The following PHF24 variants were observed in gnomAD, a reference collection of about 807,000 sequenced individuals.
The protein encoded by PHF24 is Galpha inhibitory interacting protein.
Under a neutral mutation model 42.6 loss-of-function variants are expected in PHF24, and 25 were observed. That is an observed-to-expected ratio of 0.59 (90% CI 0.43 to 0.82). The LOEUF (loss-of-function observed/expected upper bound fraction) is 0.82, where lower values mean the gene tolerates loss of function less well. Ranked by LOEUF, PHF24 falls within the 40% of genes least tolerant of loss-of-function variation. The pLI, the probability that PHF24 is intolerant of heterozygous loss-of-function variation, is 0.00. For missense variants in PHF24, 470 were observed against 538.1 expected, an observed-to-expected ratio of 0.87 and a Z score of 1.25; for synonymous variants, 185 against 204.8, an observed-to-expected ratio of 0.90 and a Z score of 0.83.
upstream of PHF24, chr9:34,957,465 T>C (rs1446423684): frequency 6.6e-6 from 1 of 152,182 alleles, no homozygotes; most frequent in Non-Finnish European, 1.5e-5. Flanking sequence ...TGTAGTTTGG[T>C]GTAATGCACA....
At chr9:34,841,775 T>C in the PHF24 span, among the ~76,000 whole-genome samples, 10 of 152,308 alleles carry the variant, frequency 6.6e-5, no homozygotes, top group Admixed American at 4.6e-4. Flanking sequence ...GGAAAATCGC[T>C]TGAACCAGTT....
the PHF24 span, among the ~76,000 whole-genome samples, chr9:34,932,658 G>T: frequency 6.6e-6 from 1 of 151,950 alleles, no homozygotes; most frequent in East Asian, 1.9e-4. Context: ...CCAAATTTCA[G>T]TATGGTGTTA....
the PHF24 span, among the ~76,000 whole-genome samples, chr9:34,868,979 C>T: frequency 1.3e-5 from 2 of 152,200 alleles, no homozygotes; most frequent in African/African-American, 2.4e-5. Context: ...CGTTCAGCTC[C>T]CACTTATAAG....
chr9:34,704,977 G>A, the PHF24 span, among the ~76,000 whole-genome samples: 1 of 152,098 alleles, frequency 6.6e-6, no homozygotes. Flanking sequence ...ATAAAGAAAA[G>A]TCAGGATTCC....
the PHF24 span, among the ~76,000 whole-genome samples, chr9:34,853,681 A>T: frequency 1.3e-5 from 2 of 151,922 alleles, no homozygotes; most frequent in African/African-American, 4.8e-5. Context: ...ACAAAAAATT[A>T]GCCGGGCGTA....
the PHF24 span, among the ~76,000 whole-genome samples, chr9:34,678,552 C>T: frequency 1.3e-5 from 2 of 152,026 alleles, no homozygotes; most frequent in Non-Finnish European, 2.9e-5. Context: ...CCAGGCTGGT[C>T]TTGAACTTCT....
At chr9:34,949,060 CA>C in the PHF24 span, among the ~76,000 whole-genome samples, 1 of 152,006 alleles carries the variant, frequency 6.6e-6, no homozygotes, top group Non-Finnish European at 1.5e-5. Context: ...AAGTCAAATC[CA>C]CAAGTATACT....
chr9:34,922,758 C>T, the PHF24 span: 31 of 1,591,286 alleles, frequency 1.9e-5, no homozygotes, highest in East Asian at 4.5e-5. Context: ...AGATGACCTA[C>T]GGGCTCCTAC....
chr9:34,757,351 C>T, the PHF24 span, among the ~76,000 whole-genome samples: 1 of 151,364 alleles, frequency 6.6e-6, no homozygotes, highest in East Asian at 1.9e-4. Flanking sequence ...TATAGAAATG[C>T]TACTGATTTT....
At chr9:34,728,501 T>C in the PHF24 span, 5 of 1,044,986 alleles carry the variant, frequency 4.8e-6, no homozygotes, top group Non-Finnish European at 7.1e-6. Context: ...GGAACTGGAG[T>C]CTTCAGTGGC....
chr9:34,792,812 C>G, the PHF24 span, among the ~76,000 whole-genome samples: 1 of 152,148 alleles, frequency 6.6e-6, no homozygotes, highest in Non-Finnish European at 1.5e-5. Context: ...TCCAGCTGTG[C>G]TTTGGAAAAT....
At chr9:34,841,432 T>C in the PHF24 span, among the ~76,000 whole-genome samples, 1 of 152,248 alleles carries the variant, frequency 6.6e-6, no homozygotes, top group Admixed American at 6.5e-5. Flanking sequence ...TTCAAATCCT[T>C]GTTTTCAGTC....
chr9:34,952,910 G>A (rs953404917), upstream of PHF24, among the ~76,000 whole-genome samples: 3 of 152,144 alleles, frequency 2.0e-5, no homozygotes, highest in African/African-American at 7.2e-5. Flanking sequence ...AAAACAACTG[G>A]ACATCCATAT....
the PHF24 span, among the ~76,000 whole-genome samples, chr9:34,685,337 CTGT>C: frequency 6.6e-6 from 1 of 152,194 alleles, no homozygotes; most frequent in Non-Finnish European, 1.5e-5. Context: ...CTCTACTCCT[CTGT>C]TGTTGGGAAA....
chr9:34,768,695 C>CTG, the PHF24 span, among the ~76,000 whole-genome samples: 4 of 152,144 alleles, frequency 2.6e-5, no homozygotes, highest in Non-Finnish European at 5.9e-5. Context: ...TCTTCTGGCC[C>CTG]CGCTACCTGC....
exon 2 of PHF24, chr9:34,971,539 C>T (rs765926916): frequency 1.7e-5 from 28 of 1,613,990 alleles, no homozygotes; most frequent in Admixed American, 6.7e-5. Flanking sequence ...AGCCTGGGAG[C>T]GGCTCCGAGA....
At chr9:34,758,509 T>C in the PHF24 span, among the ~76,000 whole-genome samples, 1 of 152,122 alleles carries the variant, frequency 6.6e-6, no homozygotes, top group Non-Finnish European at 1.5e-5. The surrounding 1 kb of genome is among the most constrained non-coding windows in gnomAD (Gnocchi z 4.4). Flanking sequence ...AAGTCACAGC[T>C]GATCCTGGTC....
chr9:34,811,725 C>T, the PHF24 span, among the ~76,000 whole-genome samples: 3 of 152,224 alleles, frequency 2.0e-5, no homozygotes, highest in East Asian at 1.9e-4. Flanking sequence ...AAATATTTAT[C>T]GCCTTGGATT....
At chr9:34,682,545 C>T in the PHF24 span, among the ~76,000 whole-genome samples, 2 of 152,040 alleles carry the variant, frequency 1.3e-5, no homozygotes, top group Admixed American at 1.3e-4. Flanking sequence ...GTATGTTGAT[C>T]TTGGATAGCC....
Sources: gnomAD v4.1 joint callset for allele counts (sites outside exome capture counted in the v4.1 genomes callset) on GRCh38, gnomAD v4.1.1 for gene constraint, Gnocchi (gnomAD v3.1) non-coding constraint, MANE v1.5 for transcripts, NCBI Gene and HGNC (gene_info 2026-07-23, HGNC 2026-07-21) for gene names.